Variants in LPIN2 observed in about 807,000 individuals in gnomAD.
LPIN2 encodes the protein lipin 2.
LPIN2 carries 55 observed loss-of-function variants against 111.4 expected under a neutral mutation model. The ratio of observed to expected loss-of-function variants is 0.49; its 90% confidence interval spans 0.40 to 0.62. The LOEUF is 0.62. Ranked by LOEUF, LPIN2 falls within the 20% of genes least tolerant of loss-of-function variation. The probability of loss-of-function intolerance (pLI) is 0.00; values close to 1 mark genes in which losing one functional copy is unlikely to be tolerated. For synonymous variants in LPIN2, 425 were observed against 414.0 expected, an observed-to-expected ratio of 1.03 and a Z score of -0.32; for missense variants, 992 against 1,112.1, an observed-to-expected ratio of 0.89 and a Z score of 1.54.
intron 2 of LPIN2, among the ~76,000 whole-genome samples, 199 bp from the exon 3 acceptor site, chr18:2,954,798 C>G (rs1450210613): frequency 3.9e-5 from 6 of 152,062 alleles, no homozygotes; most frequent in Admixed American, 3.9e-4. Flanking sequence ...AGATGGACAA[C>G]CAGGAATTGA....
chr18:2,958,161 C>A (rs57918148), intron 2 of LPIN2, among the ~76,000 whole-genome samples: 35,795 of 43,646 alleles, frequency 0.82, 14,548 homozygotes, highest in East Asian at 0.92. Context: ...AAAAAAACAA[C>A]AAAAAAAAAA....
At chr18:2,928,303 A>G (rs995283633) in intron 11 of LPIN2, among the ~76,000 whole-genome samples, 1 of 152,122 alleles carries the variant, frequency 6.6e-6, no homozygotes, top group African/African-American at 2.4e-5. Flanking sequence ...CATTCATTCC[A>G]TATTTAACTT....
chr18:2,962,971 G>T (rs1258630978), intron 1 of LPIN2, among the ~76,000 whole-genome samples: 1 of 152,146 alleles, frequency 6.6e-6, no homozygotes, highest in African/African-American at 2.4e-5. Context: ...AAGTGTAACC[G>T]TACCTATTCA....
rs148258407 is a variant in LPIN2, at chr18:2,924,528, C to T, written c.1957G>A (p.Asp653Asn). ...SDQIAKLKLH[D>N]GPNDVVFSIT... Reference sequence around the variant, plus strand: ...CTAAACACAACATCATTTGGGCCATCGTGGAGCTTCAGTTTTGCCTTTTAA... The same window carrying T: ...CTAAACACAACATCATTTGGGCCATTGTGGAGCTTCAGTTTTGCCTTTTAA... The change falls in exon 15 of 20, where the codon GAT becomes AAT. Residue 653 changes from aspartate to asparagine, a missense_variant. Around this residue, in one of 4 missense-constraint regions of LPIN2, gnomAD observed 709 missense variants for 753.2 expected, o/e 0.94. Coordinates refer to ENST00000677752, the MANE Select transcript of LPIN2 (RefSeq NM_001375808.2). 3.5e-5 allele frequency: 57 copies of T among 1,614,010 alleles called. No individual in the cohort carries two copies. The highest frequency in any genetic ancestry group is 3.1e-4 in the African/African-American group (23 of 74,892).
intron 1 of LPIN2, among the ~76,000 whole-genome samples, chr18:2,966,197 G>A (rs1018870514): frequency 4.6e-5 from 7 of 152,124 alleles, no homozygotes; most frequent in Admixed American, 1.3e-4. Flanking sequence ...TTGGCTTCCC[G>A]AAATGTTGAG....
chr18:2,920,721 T>C (rs1054554863), intron 19 of LPIN2, 57 bp downstream of exon 19: 17 of 1,295,732 alleles, frequency 1.3e-5, no homozygotes, highest in Non-Finnish European at 1.9e-5. Flanking sequence ...GGTCTGTCTG[T>C]CCCCAACTGT....
chr18:2,946,741 A>C (rs1247570202), intron 4 of LPIN2: 2 of 546,610 alleles, frequency 3.7e-6, no homozygotes, highest in Non-Finnish European at 6.7e-6. Flanking sequence ...ATTCACTGGT[A>C]GTATGGAACA....
At chr18:2,927,015 G>A (rs914695627) in intron 12 of LPIN2, among the ~76,000 whole-genome samples, 5 of 152,200 alleles carry the variant, frequency 3.3e-5, no homozygotes, top group Non-Finnish European at 7.3e-5. Context: ...TGTCCCTACA[G>A]ACCCAGAAGG....
intron 1 of LPIN2, among the ~76,000 whole-genome samples, chr18:2,972,058 A>C (rs1193929666): frequency 1.3e-5 from 2 of 152,138 alleles, no homozygotes; most frequent in Non-Finnish European, 2.9e-5. Flanking sequence ...AAAACAAAAC[A>C]AAACAAAAAA....
chr18:2,999,533 G>A (rs1045343779), intron 1 of LPIN2, among the ~76,000 whole-genome samples: 1 of 151,998 alleles, frequency 6.6e-6, no homozygotes, highest in East Asian at 1.9e-4. Context: ...TGGCCCGGGA[G>A]GCGGAGCTTG....
chr18:2,974,105 GT>G (rs1202983087), intron 1 of LPIN2, among the ~76,000 whole-genome samples: 1 of 152,030 alleles, frequency 6.6e-6, no homozygotes, highest in Non-Finnish European at 1.5e-5. Context: ...GTTTTGTTTT[GT>G]TTTTTTGAGA....
intron 19 of LPIN2, 127 bp downstream of exon 19, chr18:2,920,651 G>A (rs1442102148): frequency 9.9e-6 from 8 of 810,194 alleles, no homozygotes; most frequent in South Asian, 2.8e-5. Flanking sequence ...TACCCACAGA[G>A]GAGATGTAGC....
Position 2,967,478 on chromosome 18 carries a change from C to T in LPIN2, c.-9-6629G>A, listed in dbSNP as rs1382139966. On this transcript the variant is annotated intron_variant, in intron 1 of 19. Coordinates refer to ENST00000677752, the MANE Select transcript of LPIN2 (RefSeq NM_001375808.2). ...CGCAGCAGCTGCCGCAAGCTTCTCC[C>T]CGGTCAGGGAGGGCAGGGGGTGACA... is the stretch of plus-strand genomic sequence containing the variant. 2.0e-5 allele frequency: 3 copies of T among 152,270 alleles called. No homozygotes were observed. In the South Asian group the frequency reaches 6.2e-4, roughly 32 times the overall value. 9.4% of individuals were successfully genotyped at this position (152,270 alleles called of 1,614,324 possible).
intron 1 of LPIN2, among the ~76,000 whole-genome samples, chr18:2,969,724 C>A (rs879719335): frequency 6.6e-6 from 1 of 152,138 alleles, no homozygotes; most frequent in Admixed American, 6.5e-5. Flanking sequence ...CGCTCATGAA[C>A]CCCAACCCAG....
chr18:2,977,223 A>G (rs2078034952), intron 1 of LPIN2: 1 of 151,962 alleles, frequency 6.6e-6, no homozygotes, highest in South Asian at 2.1e-4. Context: ...AACACCTGGG[A>G]AAGCTTCTAA....
At chr18:2,920,548 G>C in intron 19 of LPIN2, 111 bp from the exon 20 acceptor site, 2 of 1,199,698 alleles carry the variant, frequency 1.7e-6, no homozygotes, top group East Asian at 2.4e-5. Context: ...GGCAGGTTCA[G>C]AGGCAGGCCT....
At chr18:2,958,161 C>CAAAAAAAA (rs1017981496) in intron 2 of LPIN2, among the ~76,000 whole-genome samples, 1 of 44,712 alleles carries the variant, frequency 2.2e-5, no homozygotes, top group Non-Finnish European at 4.3e-5. Flanking sequence ...AAAAAAACAA[C>CAAAAAAAA]AAAAAAAAAA....
At chr18:2,988,400 G>T (rs1282734086) in intron 1 of LPIN2, among the ~76,000 whole-genome samples, 1 of 152,048 alleles carries the variant, frequency 6.6e-6, no homozygotes, top group Non-Finnish European at 1.5e-5. Flanking sequence ...TTATTTAATT[G>T]GTGAAATTTA....
Position 2,919,189 on chromosome 18 carries a change from G to A in LPIN2, c.*1104C>T, listed in dbSNP as rs913148654. On this transcript the variant is annotated 3_prime_UTR_variant, in exon 20 of 20. Coordinates refer to ENST00000677752, the MANE Select transcript of LPIN2 (RefSeq NM_001375808.2). ...ACCCGTGTCCCCATGGGGTCTCACAGGGCTAGGCTGGGGACACTGCTCGGG... is the reference window on the plus strand; with the variant it reads ...ACCCGTGTCCCCATGGGGTCTCACAAGGCTAGGCTGGGGACACTGCTCGGG... 6.6e-6 allele frequency: 1 copy of A among 152,202 alleles called. No homozygotes were observed. The highest frequency in any genetic ancestry group is 1.9e-4 in the East Asian group (1 of 5,198). The allele number at this position is 152,202 out of a possible 1,614,324, so 9.4% of individuals were successfully genotyped here. A position where few individuals can be genotyped will look rare whatever the true frequency, so the allele number is the denominator to read the frequency against.
Sources: allele counts gnomAD v4.1 joint callset (sites outside exome capture counted in the v4.1 genomes callset), GRCh38; gene constraint gnomAD v4.1.1; regional missense constraint gnomAD v4.1.1; transcripts MANE v1.5; gene names NCBI Gene and HGNC (gene_info 2026-07-23, HGNC 2026-07-21).